Variants in RAPH1 observed in about 807,000 individuals in gnomAD.
The protein encoded by RAPH1 is Ras association (RalGDS/AF-6) and pleckstrin homology domains 1, also known as ras-associated and pleckstrin homology domains-containing protein 1.
A neutral mutation model predicts 88.1 loss-of-function variants in RAPH1; 18 were observed. The observed-to-expected ratio is 0.20, with a 90% confidence interval of 0.14 to 0.30. The LOEUF (loss-of-function observed/expected upper bound fraction) is 0.30, where lower values mean the gene tolerates loss of function less well. RAPH1 is among the 10% of genes least tolerant of loss of function. The pLI, the probability that RAPH1 is intolerant of heterozygous loss-of-function variation, is 1.00. For missense variants in RAPH1, 1,448 were observed against 1,543.2 expected, an observed-to-expected ratio of 0.94 and a Z score of 1.03; for synonymous variants, 587 against 559.0, an observed-to-expected ratio of 1.05 and a Z score of -0.71.
intron 4 of RAPH1, among the ~76,000 whole-genome samples, chr2:203,485,504 T>G (rs894652398): frequency 1.3e-5 from 2 of 152,070 alleles, no homozygotes; most frequent in Non-Finnish European, 2.9e-5. Flanking sequence ...TGGACAGTCT[T>G]CCTGGTCCAT....
chr2:203,523,094 T>C (rs1399550845), intron 1 of RAPH1, among the ~76,000 whole-genome samples: 1 of 151,492 alleles, frequency 6.6e-6, no homozygotes, highest in Non-Finnish European at 1.5e-5. Context: ...TCAAACAATT[T>C]TCAGTAAGGA....
At chr2:203,534,516 C>T (rs936791075) in intron 1 of RAPH1, among the ~76,000 whole-genome samples, 3 of 106,018 alleles carry the variant, frequency 2.8e-5, no homozygotes, top group African/African-American at 9.0e-5. Flanking sequence ...CCACCCCCCC[C>T]CCCCCCCCAT....
chr2:203,499,765 G>A (rs528146824), intron 1 of RAPH1, among the ~76,000 whole-genome samples: 1 of 152,088 alleles, frequency 6.6e-6, no homozygotes, highest in Admixed American at 6.6e-5. Flanking sequence ...AAAAACTTAG[G>A]TCCTACAACA....
chr2:203,497,634 T>C (rs1487134471), intron 1 of RAPH1, among the ~76,000 whole-genome samples: 1 of 152,174 alleles, frequency 6.6e-6, no homozygotes, highest in Non-Finnish European at 1.5e-5. Flanking sequence ...CCAATATCTC[T>C]AATAAATATA....
At chr2:203,517,359 CA>C (rs71408943) in intron 1 of RAPH1, among the ~76,000 whole-genome samples, 1,750 of 32,158 alleles carry the variant, frequency 0.054, 4 homozygotes, top group Middle Eastern at 0.086. Context: ...CTATGAGAGG[CA>C]AAAAAAAAAA....
At chr2:203,470,800 A>T (rs1346550969) in intron 4 of RAPH1, among the ~76,000 whole-genome samples, 1 of 152,260 alleles carries the variant, frequency 6.6e-6, no homozygotes, top group East Asian at 1.9e-4. Context: ...ATTCAATGAT[A>T]GCTGCACCAA....
In RAPH1 at chr2:203,438,228, G is replaced by A. The variant is rs762274891; in HGVS notation, c.*1209C>T. 5.8e-6 allele frequency: 3 copies of A among 515,934 alleles called. No homozygotes were observed. The allele number at this position is 515,934 out of a possible 1,614,324, so 32.0% of individuals were successfully genotyped here. ...AAATGAAACTGTCTTCCCTCTCCAT[G>A]TAGTCCCATACTTAATGAGCTTTTT... On this transcript the variant is annotated 3_prime_UTR_variant, in exon 14 of 14. Transcript: ENST00000319170.
At position 203,508,572 on chromosome 2, in the gene RAPH1, C is replaced by T. The variant is rs146130472; in HGVS notation, c.1-13219G>A. 4.9e-4 allele frequency among the ~76,000 whole-genome samples: 74 copies of T among 152,218 alleles called. 1 individual carries two copies. The highest frequency in any genetic ancestry group is 3.0e-3 in the Admixed American group (46 of 15,282). On this transcript the variant is annotated intron_variant, in intron 1 of 13. Transcript: ENST00000319170. The stretch of plus-strand genomic sequence containing the variant: ...TCAAGTCCAGTAAACCCTCCATATA[C>T]GTAGGTTTCACATCACCACAATGAT...
At position 203,455,510 on chromosome 2, in the gene RAPH1, T is replaced by C. The variant is rs146078023; in HGVS notation, c.1229A>G (p.Lys410Arg). The change falls in exon 9 of 14, where the codon AAG becomes AGG. Residue 410 changes from lysine to arginine, a missense_variant. This residue lies in a region of RAPH1 where 513 missense variants were observed against 653.1 expected (regional missense o/e 0.79). Transcript: ENST00000319170. ...AAAATAACGCTTTTTCCAGGACTTC[T>C]TGCCATCATCCTTCAACCAAAGGAC... ...EGVLWLKDDG[K>R]KSWKKRYFLL... 1.8e-5 allele frequency: 29 copies of C among 1,613,896 alleles called. No individual in the cohort carries two copies. In the African/African-American group the frequency reaches 3.5e-4, roughly 19 times the overall value.
rs1174579193 is a variant in RAPH1, at chr2:203,441,295, G to A, written c.1895C>T (p.Pro632Leu). The stretch of plus-strand genomic sequence containing the variant: ...GGGTGGTGGAGGAGGAGGTGGGGGT[G>A]GCGGAGGAGGTAGAGGTGGTGAAGG... ...SQPSPPLPPP[P>L]PPPPPPPPPP... The change falls in exon 14 of 14, where the codon CCA (proline) becomes CTA (leucine). Residue 632 changes from proline (P) to leucine (L), a missense_variant. Transcript: ENST00000319170. 24 of 1,543,016 alleles carry A rather than the reference G, an allele frequency of 1.6e-5. No homozygotes were observed. Among genetic ancestry groups the A allele is most frequent in the Non-Finnish European group, 2.0e-5 (23 of 1,144,472 alleles).
chr2:203,523,216 A>AC (rs1689969096), intron 1 of RAPH1, among the ~76,000 whole-genome samples: 1 of 151,834 alleles, frequency 6.6e-6, no homozygotes, highest in African/African-American at 2.4e-5. Flanking sequence ...ACACGGTTAA[A>AC]CCCCGTCTCT....
chr2:203,473,825 T>C (rs188696225), intron 4 of RAPH1, among the ~76,000 whole-genome samples: 6 of 152,338 alleles, frequency 3.9e-5, no homozygotes, highest in Admixed American at 3.9e-4. Context: ...GTCAAGGGCT[T>C]ATTTTCAATC....
chr2:203,506,886 A>ATATC, intron 1 of RAPH1, among the ~76,000 whole-genome samples: 1 of 101,992 alleles, frequency 9.8e-6, no homozygotes, highest in South Asian at 2.6e-4. Flanking sequence ...ATATAGATAT[A>ATATC]TATATATATA....
intron 1 of RAPH1, among the ~76,000 whole-genome samples, chr2:203,509,043 CAA>C (rs1251259201): frequency 6.8e-6 from 1 of 146,660 alleles, no homozygotes; most frequent in African/African-American, 2.5e-5. Context: ...TTCACAGATG[CAA>C]AAAGAGTCAT....
chr2:203,470,043 G>T (rs1404025546), intron 4 of RAPH1, among the ~76,000 whole-genome samples: 1 of 152,132 alleles, frequency 6.6e-6, no homozygotes, highest in Admixed American at 6.5e-5. Context: ...GAAAATTACT[G>T]AAAATATTTT....
At chr2:203,460,246 C>G (rs1175749939) in intron 6 of RAPH1, among the ~76,000 whole-genome samples, 2 of 152,154 alleles carry the variant, frequency 1.3e-5, no homozygotes, top group African/African-American at 4.8e-5. Context: ...TATGGAAGAA[C>G]TAGGACTAGA....
chr2:203,517,353 G>A (rs1264964869), intron 1 of RAPH1, among the ~76,000 whole-genome samples: 6 of 111,442 alleles, frequency 5.4e-5, no homozygotes, highest in African/African-American at 2.4e-4. Context: ...ATCAAACTAT[G>A]AGAGGCAAAA....
Position 203,520,343 on chromosome 2 carries a change from C to A in RAPH1, c.-1+14768G>T, listed in dbSNP as rs1689809450. Among the ~76,000 whole-genome samples the A allele has an allele frequency of 1.6e-5, 2 of 124,902 alleles. 1 individual carries two copies. Among genetic ancestry groups the A allele is most frequent in the African/African-American group, 6.1e-5 (2 of 32,814 alleles). The allele number at this position is 124,902 out of a possible 152,430, so 81.9% of individuals were successfully genotyped here. A position where few individuals can be genotyped will look rare whatever the true frequency, so the allele number is the denominator to read the frequency against. ...GGAGCCCCTGCCTCAAAAAAAAAAA[C>A]CACGCCAGGCATGGTGGCTCATGTC... On this transcript the variant is annotated intron_variant, in intron 1 of 13. Coordinates refer to ENST00000319170, the MANE Select transcript of RAPH1 (RefSeq NM_213589.3).
intron 4 of RAPH1, among the ~76,000 whole-genome samples, chr2:203,468,625 C>T (rs1480036129): frequency 6.6e-6 from 1 of 152,126 alleles, no homozygotes; most frequent in Non-Finnish European, 1.5e-5. Flanking sequence ...TCTTCATAAA[C>T]AGACTGTGAG....
Sources: gnomAD v4.1 joint callset for allele counts (sites outside exome capture counted in the v4.1 genomes callset) on GRCh38, gnomAD v4.1.1 for gene constraint, gnomAD v4.1.1 regional missense constraint, MANE v1.5 for transcripts, NCBI Gene and HGNC (gene_info 2026-07-23, HGNC 2026-07-21) for gene names.